Variants in RIMS2 observed in about 807,000 individuals in gnomAD.
RIMS2 encodes the protein regulating synaptic membrane exocytosis 2, also known as regulating synaptic membrane exocytosis protein 2.
Under a neutral mutation model 174.4 loss-of-function variants are expected in RIMS2, and 59 were observed. The observed-to-expected ratio is 0.34, with a 90% CI of 0.27 to 0.42. The LOEUF (loss-of-function observed/expected upper bound fraction) is 0.42, where lower values mean the gene tolerates loss of function less well. Among genes scored for constraint, RIMS2 ranks in the 10% least tolerant of loss-of-function variants. The pLI is 1.00. For synonymous variants in RIMS2, 606 were observed against 572.5 expected, an observed-to-expected ratio of 1.06 and a Z score of -0.84; for missense variants, 1,620 against 1,666.3, an observed-to-expected ratio of 0.97 and a Z score of 0.48.
chr8:103,912,668 T>C (rs1452994997), intron 6 of RIMS2, among the ~76,000 whole-genome samples: 1 of 152,116 alleles, frequency 6.6e-6, no homozygotes, highest in Non-Finnish European at 1.5e-5. Flanking sequence ...AGAGTACTGT[T>C]TGAATTCTAA....
At chr8:103,671,994 T>C (rs2096750497) in intron 1 of RIMS2, among the ~76,000 whole-genome samples, 1 of 152,186 alleles carries the variant, frequency 6.6e-6, no homozygotes. Context: ...CAACTTTTAA[T>C]TTGAAGTTTG....
chr8:104,228,651 A>G (rs577304043), intron 19 of RIMS2, among the ~76,000 whole-genome samples: 25 of 152,328 alleles, frequency 1.6e-4, no homozygotes, highest in South Asian at 8.3e-4. Context: ...TTATATTTAT[A>G]CTGTTTAAAA....
chr8:103,691,737 A>T (rs375040230), intron 1 of RIMS2, among the ~76,000 whole-genome samples: 2 of 152,076 alleles, frequency 1.3e-5, no homozygotes, highest in African/African-American at 2.4e-5. Context: ...GGTAGTCTTG[A>T]TGCTTGTGGG....
chr8:103,791,690 G>A (rs1271134766), intron 3 of RIMS2, among the ~76,000 whole-genome samples: 1 of 152,046 alleles, frequency 6.6e-6, no homozygotes, highest in Non-Finnish European at 1.5e-5. Context: ...CACATGCAGA[G>A]ACACACATAG....
In RIMS2 at chr8:103,785,016, A is replaced by T. The variant is rs2098427708; in HGVS notation, c.698+18479A>T. Among the ~76,000 whole-genome samples the T allele has an allele frequency of 1.4e-5, 2 of 140,960 alleles. 1 individual carries two copies. Among genetic ancestry groups the T allele is most frequent in the African/African-American group, 5.4e-5 (2 of 37,002 alleles). The allele number at this position is 140,960 out of a possible 152,430, so 92.5% of individuals were successfully genotyped here. ...TGTAAGTTGGATTCCTAGGTATTTT[A>T]TTCTCTTTGAAGCAATTGTGAATGG... On this transcript the variant is annotated intron_variant, in intron 3 of 23. Transcript: ENST00000504942.
intron 3 of RIMS2, among the ~76,000 whole-genome samples, chr8:103,883,865 T>G (rs914310653): frequency 6.6e-6 from 1 of 151,828 alleles, no homozygotes; most frequent in African/African-American, 2.4e-5. Flanking sequence ...GTACAGGTAA[T>G]TGCTGGCAGA....
chr8:104,068,436 C>T (rs867050454), intron 19 of RIMS2, 76 bp from the exon 23 acceptor site: 21 of 633,624 alleles, frequency 3.3e-5, no homozygotes, highest in South Asian at 2.8e-4. Context: ...GGCTTTTCTT[C>T]GTTTATACAT....
At chr8:104,067,603 G>A (rs2097127724) in intron 19 of RIMS2, among the ~76,000 whole-genome samples, 1 of 152,070 alleles carries the variant, frequency 6.6e-6, no homozygotes, top group African/African-American at 2.4e-5. Context: ...TATTGCCCAG[G>A]ATGGTCTCGA....
intron 3 of RIMS2, among the ~76,000 whole-genome samples, chr8:103,810,099 A>G (rs1272802563): frequency 1.3e-5 from 2 of 152,186 alleles, no homozygotes; most frequent in African/African-American, 2.4e-5. Flanking sequence ...AGAATCTAAC[A>G]GCAATTGTTT....
At chr8:103,876,882 A>T (rs1176760051) in intron 3 of RIMS2, among the ~76,000 whole-genome samples, 1 of 39,222 alleles carries the variant, frequency 2.5e-5, no homozygotes, top group Non-Finnish European at 5.9e-5. Context: ...ATATATATAT[A>T]TATATATATA....
intron 1 of RIMS2, among the ~76,000 whole-genome samples, chr8:103,617,377 C>T (rs946509153): frequency 2.0e-5 from 3 of 152,166 alleles, no homozygotes; most frequent in African/African-American, 4.8e-5. Flanking sequence ...GGATTAAAGA[C>T]TTAAATGTGA....
chr8:104,193,003 CT>C (rs1445413955), intron 19 of RIMS2, among the ~76,000 whole-genome samples: 1 of 152,054 alleles, frequency 6.6e-6, no homozygotes, highest in Non-Finnish European at 1.5e-5. Context: ...GTGGAGAGAG[CT>C]TCACGTAGGT....
At chr8:103,664,439 A>G (rs752416736) in intron 1 of RIMS2, among the ~76,000 whole-genome samples, 3 of 152,158 alleles carry the variant, frequency 2.0e-5, no homozygotes, top group Non-Finnish European at 4.4e-5. Context: ...AAGAAAAAAA[A>G]CAACAACCAC....
intron 1 of RIMS2, among the ~76,000 whole-genome samples, chr8:103,668,088 G>A (rs954000310): frequency 1.3e-5 from 2 of 152,118 alleles, no homozygotes; most frequent in Non-Finnish European, 2.9e-5. Context: ...AGTCATATTA[G>A]AGTTTAGGAA....
intron 20 of RIMS2, 112 bp downstream of exon 26, chr8:104,245,169 C>T (rs1189714224): frequency 5.7e-6 from 6 of 1,048,942 alleles, no homozygotes. Context: ...CTTTAATTTT[C>T]ACTGGCTGAT....
intron 15 of RIMS2, among the ~76,000 whole-genome samples, chr8:103,964,712 A>G (rs1225446550): frequency 2.6e-5 from 4 of 152,272 alleles, no homozygotes; most frequent in African/African-American, 9.6e-5. Flanking sequence ...AATCATGCCT[A>G]TGGTGTTATA....
chr8:104,223,355 A>T lies in RIMS2; in HGVS notation c.3335-21561A>T, dbSNP rs1476598729. On this transcript the variant is annotated intron_variant, in intron 19 of 23. Transcript: ENST00000504942. ...CGAGACTCCAGCAGCTCCAGCCTCC[A>T]GGATTCTCAGCTCCCTCCCGGGCGA... 3 of 1,147,748 alleles carry T rather than the reference A, an allele frequency of 2.6e-6. No individual in the cohort carries two copies. The African/African-American group carries it at 4.8e-5, about 18-fold the overall frequency. 71.1% of individuals were successfully genotyped at this position (1,147,748 alleles called of 1,614,324 possible). A position where few individuals can be genotyped will look rare whatever the true frequency, so the allele number is the denominator to read the frequency against.
At chr8:103,840,536 C>T (rs2098933256) in intron 3 of RIMS2, among the ~76,000 whole-genome samples, 1 of 152,148 alleles carries the variant, frequency 6.6e-6, no homozygotes, top group South Asian at 2.1e-4. Context: ...TTGTTTCCCT[C>T]TTTTGCCACT....
At position 103,583,243 on chromosome 8, in the gene RIMS2, T is replaced by C. The variant is rs907106148; in HGVS notation, c.176+82181T>C. Among the ~76,000 whole-genome samples, 3 of 152,306 alleles carry C rather than the reference T, an allele frequency of 2.0e-5. No homozygotes were observed. The South Asian group carries it at 6.2e-4, about 32-fold the overall frequency. On this transcript the variant is annotated intron_variant, in intron 1 of 23. Transcript: ENST00000504942. ...GTGTTACTGGGCTTGGGGTGCTCTC[T>C]AAAACAGATAAAGCTTAGATCACAA...
Sources: allele counts gnomAD v4.1 joint callset (sites outside exome capture counted in the v4.1 genomes callset), GRCh38; gene constraint gnomAD v4.1.1; transcripts MANE v1.5; gene names NCBI Gene and HGNC (gene_info 2026-07-23, HGNC 2026-07-21).